MYO15B: variants seen among roughly 807,000 people sequenced by gnomAD.
The protein encoded by MYO15B is myosin XVB, also known as myosin XVB pseudogene.
In MYO15B, 207 loss-of-function variants were observed where a neutral mutation model predicts 119.3. That is an observed-to-expected ratio of 1.73 (90% CI 1.55 to 1.95). The LOEUF is 1.95. MYO15B is among the 30% of genes most tolerant of loss of function. The pLI, the probability that MYO15B is intolerant of heterozygous loss-of-function variation, is 0.00. For synonymous variants in MYO15B, 966 were observed against 498.9 expected (o/e 1.94, Z -12.48); for missense variants, 2,264 against 1,203.1 (o/e 1.88, Z -13.04).
At chr17:75,604,788 A>G (rs986114526) in intron 19 of MYO15B, among the ~76,000 whole-genome samples, 1 of 151,762 alleles carries the variant, frequency 6.6e-6, no homozygotes, top group Non-Finnish European at 1.5e-5. Flanking sequence ...CACTTTCCAA[A>G]TTTTTTAATG....
chr17:75,615,719 G>C, exon 36 of MYO15B: 1 of 695,680 alleles, frequency 1.4e-6, no homozygotes, highest in Non-Finnish European at 2.6e-6. Context: ...CCCAGGCCAT[G>C]TCCCTGTCCC....
chr17:75,602,909 A>C, exon 17 of MYO15B: 1 of 689,796 alleles, frequency 1.4e-6, no homozygotes, highest in Non-Finnish European at 2.6e-6. Context: ...TCTCGCTTCC[A>C]GCAGGCCCTG....
chr17:75,614,117 C>G (rs1056995693), intron 29 of MYO15B, 82 bp from the exon 30 acceptor site: 38 of 667,412 alleles, frequency 5.7e-5, no homozygotes, highest in Non-Finnish European at 9.3e-5. Flanking sequence ...TTCCTCAGCC[C>G]CCTGCCCCCT....
At chr17:75,604,529 C>T (rs917424003) in intron 19 of MYO15B, among the ~76,000 whole-genome samples, 3 of 137,410 alleles carry the variant, frequency 2.2e-5, no homozygotes, top group Non-Finnish European at 4.7e-5. Context: ...CCTTCCATGC[C>T]CCTCCCTTCC....
At chr17:75,621,115 G>A (rs1298766516) in exon 50 of MYO15B, 11 of 702,664 alleles carry the variant, frequency 1.6e-5, no homozygotes, top group Non-Finnish European at 2.1e-5. Flanking sequence ...CTTTCTGCCC[G>A]ACTCCCACAG....
intron 14 of MYO15B, among the ~76,000 whole-genome samples, chr17:75,601,060 C>T (rs911014751): frequency 1.3e-5 from 2 of 150,956 alleles, no homozygotes; most frequent in African/African-American, 2.4e-5. Flanking sequence ...CCTGCCACCA[C>T]GCCCAGCTAA....
Position 75,589,454 on chromosome 17 carries a change from A to G in MYO15B, c.1397A>G (p.Asp466Gly). 1 of 391,266 alleles carries G rather than the reference A, an allele frequency of 2.6e-6. No individual in the cohort carries two copies. The highest frequency in any genetic ancestry group is 4.5e-6 in the Non-Finnish European group (1 of 223,770). The allele number at this position is 391,266 out of a possible 1,614,324, so 24.2% of individuals were successfully genotyped here. A position where few individuals can be genotyped will look rare whatever the true frequency, so the allele number is the denominator to read the frequency against. Residue 466 changes from aspartate to glycine, a missense_variant, in exon 1 of 64, where the codon GAC (aspartate) becomes GGC (glycine). Coordinates refer to ENST00000645453, the Ensembl canonical transcript of MYO15B. The surrounding 1 kb of genome is among the most constrained non-coding windows in gnomAD (Gnocchi z 4.2). ...GAGGGGCGGGGCTGCGGGAAAGCGGACGAGGGGCGGGGTCACGAGAGAGGT... is the reference window on the plus strand; with the variant it reads ...GAGGGGCGGGGCTGCGGGAAAGCGGGCGAGGGGCGGGGTCACGAGAGAGGT...
chr17:75,613,488 G>T lies in MYO15B; in HGVS notation c.5146+17G>T, dbSNP rs1348919941. On this transcript the variant is annotated intron_variant, in intron 28 of 63. Transcript: ENST00000645453. ...CCTTCAGCGGTGAGGGCTGCCTCTGGCTGAGGCCTCCCAGGCCTGAAGTGG... is the reference window on the plus strand; with the variant it reads ...CCTTCAGCGGTGAGGGCTGCCTCTGTCTGAGGCCTCCCAGGCCTGAAGTGG... 3 of 669,798 alleles carry T rather than the reference G, an allele frequency of 4.5e-6. No homozygotes were observed. The highest frequency in any genetic ancestry group is 8.0e-6 in the Non-Finnish European group (3 of 375,380). The allele number at this position is 669,798 out of a possible 1,614,324, so 41.5% of individuals were successfully genotyped here.
At position 75,602,606 on chromosome 17, in the gene MYO15B, C is replaced by A; in HGVS notation, c.3729+12C>A. On this transcript the variant is annotated intron_variant, in intron 16 of 63. Coordinates refer to ENST00000645453, the Ensembl canonical transcript of MYO15B. The stretch of plus-strand genomic sequence containing the variant: ...AGAGCCAGCTCCAGGTGCCCATCTG[C>A]CCTTCCAGGCCCCCACCCGCTCCAT... 1 of 659,912 alleles carries A rather than the reference C, an allele frequency of 1.5e-6. No individual in the cohort carries two copies. The allele number at this position is 659,912 out of a possible 1,614,324, so 40.9% of individuals were successfully genotyped here. A position where few individuals can be genotyped will look rare whatever the true frequency, so the allele number is the denominator to read the frequency against.
chr17:75,608,701 G>A (rs1171916821), intron 21 of MYO15B, among the ~76,000 whole-genome samples: 2 of 151,760 alleles, frequency 1.3e-5, no homozygotes, highest in African/African-American at 2.4e-5. Context: ...GGGATTACGG[G>A]CATAGGCCAC....
At chr17:75,621,724 C>T (rs953678982) in intron 52 of MYO15B, 154 bp downstream of exon 52, 5 of 604,816 alleles carry the variant, frequency 8.3e-6, no homozygotes, top group Admixed American at 2.8e-5. Context: ...GGCCCTCACC[C>T]GCTTCTACTC....
intron 21 of MYO15B, 92 bp downstream of exon 21, chr17:75,606,113 G>A: frequency 1.7e-6 from 1 of 596,394 alleles, no homozygotes; most frequent in Non-Finnish European, 3.0e-6. Flanking sequence ...GAAACATAGG[G>A]CCTCAAGGCA....
intron 19 of MYO15B, among the ~76,000 whole-genome samples, chr17:75,605,023 G>C (rs2057536861): frequency 6.6e-6 from 1 of 152,122 alleles, no homozygotes; most frequent in South Asian, 2.1e-4. Flanking sequence ...AGTAATCCCA[G>C]CTACTCGGGA....
intron 6 of MYO15B, 70 bp from the exon 7 acceptor site, chr17:75,592,168 G>C: frequency 1.4e-6 from 1 of 701,178 alleles, no homozygotes; most frequent in Non-Finnish European, 2.6e-6. Context: ...ACCCTGGTAG[G>C]GCTTCTTCTG....
chr17:75,615,952 C>T (rs2058346576), intron 36 of MYO15B, 68 bp downstream of exon 36: 1 of 606,704 alleles, frequency 1.6e-6, no homozygotes, highest in Non-Finnish European at 3.0e-6. Flanking sequence ...GGGACATGGG[C>T]AGGGTGAGTA....
At chr17:75,611,942 G>T (rs1270734311) in exon 25 of MYO15B, 2 of 702,872 alleles carry the variant, frequency 2.8e-6, no homozygotes, top group African/African-American at 1.7e-5. Context: ...TGAGGTTCCT[G>T]CCCGGCCCAG....
At position 75,621,409 on chromosome 17, in the gene MYO15B, G is replaced by A. The variant is rs993717966; in HGVS notation, c.7935+1G>A. 6 of 700,126 alleles carry A rather than the reference G, an allele frequency of 8.6e-6. No individual in the cohort carries two copies. The African/African-American group carries it at 1.0e-4, about 12-fold the overall frequency. The allele number at this position is 700,126 out of a possible 1,614,324, so 43.4% of individuals were successfully genotyped here. A position where few individuals can be genotyped will look rare whatever the true frequency, so the allele number is the denominator to read the frequency against. On this transcript the variant is annotated splice_donor_variant, in intron 51 of 63. Coordinates refer to ENST00000645453, the Ensembl canonical transcript of MYO15B. LOFTEE classifies it high-confidence loss of function. Reference sequence around the variant, plus strand: ...GGACAGCCTGGTGCAGTACACCAAGGTGGGAGAGAGGCAGGGAGGGGTCTG... The same window carrying A: ...GGACAGCCTGGTGCAGTACACCAAGATGGGAGAGAGGCAGGGAGGGGTCTG...
At chr17:75,598,540 A>G (rs11654142) in intron 14 of MYO15B, among the ~76,000 whole-genome samples, 49 of 142,956 alleles carry the variant, frequency 3.4e-4, no homozygotes, top group Non-Finnish European at 5.4e-4. Flanking sequence ...AAAAAAAAAA[A>G]AAAAAAGAAA....
intron 29 of MYO15B, 84 bp from the exon 30 acceptor site, chr17:75,614,115 C>T: frequency 3.0e-6 from 2 of 660,256 alleles, no homozygotes; most frequent in East Asian, 2.7e-5. Context: ...CCTTCCTCAG[C>T]CCCCTGCCCC....
Sources: gnomAD v4.1 joint callset for allele counts (sites outside exome capture counted in the v4.1 genomes callset) on GRCh38, gnomAD v4.1.1 for gene constraint, Gnocchi (gnomAD v3.1) non-coding constraint, MANE v1.5 for transcripts, NCBI Gene and HGNC (gene_info 2026-07-23, HGNC 2026-07-21) for gene names.